The following RIC1 variants were observed in gnomAD, a reference collection of about 807,000 sequenced individuals.
The protein encoded by RIC1 is guanine nucleotide exchange factor subunit RIC1.
Under a neutral mutation model 169.0 loss-of-function variants are expected in RIC1, and 88 were observed. That is an observed-to-expected ratio of 0.52 (90% CI 0.44 to 0.62). RIC1 has a LOEUF of 0.62. Ranked by LOEUF, RIC1 falls within the 20% of genes least tolerant of loss-of-function variation. RIC1 has a pLI of 0.00. For synonymous variants in RIC1, 790 were observed against 601.5 expected (o/e 1.31, Z -4.59); for missense variants, 1,877 against 1,725.5 (o/e 1.09, Z -1.56).
chr9:5,763,692 A>G lies in RIC1; in HGVS notation c.2665A>G (p.Lys889Glu), dbSNP rs753839766. The G allele has an allele frequency of 4.3e-6, 7 of 1,614,026 alleles. No homozygotes were observed. Among genetic ancestry groups the G allele is most frequent in the East Asian group, 2.2e-5 (1 of 44,886 alleles). The change falls in exon 19 of 26, where the codon AAA (lysine) becomes GAA (glutamate). Residue 889 changes from lysine to glutamate, a missense_variant. By Grantham distance (56) the Lys-to-Glu change is moderately conservative. Transcript: ENST00000414202. The surrounding 1 kb of genome is among the most constrained non-coding windows in gnomAD (Gnocchi z 5.2). ...IPDPLLPTVAKFITEFPLFLQ... is the reference protein window; with the variant it reads ...IPDPLLPTVAEFITEFPLFLQ... ...CGACCCTCTGCTTCCCACTGTGGCA[A>G]AATTTATCACTGAGTTCCCCCTCTT...
intron 8 of RIC1, 56 bp from the exon 9 acceptor site, chr9:5,742,813 A>G (rs1825158286): frequency 2.7e-6 from 4 of 1,469,844 alleles, no homozygotes; most frequent in Non-Finnish European, 3.7e-6. Flanking sequence ...AAAAAAAAAA[A>G]CAAGTATTTC....
At position 5,774,237 on chromosome 9, in the gene RIC1, T is replaced by C. The variant is rs1169158910; in HGVS notation, c.4263T>C (p.Ser1421=). Reference sequence around the variant, plus strand: ...TTCAGGATGGGACTTACGACTGTTCTGTGTCCTAACAGTGAGGTTCCATCA... The same window carrying C: ...TTCAGGATGGGACTTACGACTGTTCCGTGTCCTAACAGTGAGGTTCCATCA... ...EPFQDGTYDC[S]VS is the part of the protein sequence containing the mutation. The change falls in exon 26 of 26, where the codon TCT becomes TCC. Residue 1421 remains serine (S), a synonymous_variant. Transcript: ENST00000414202. 2 of 1,606,920 alleles carry C rather than the reference T, an allele frequency of 1.2e-6. No homozygotes were observed. The highest frequency in any genetic ancestry group is 1.3e-5 in the African/African-American group (1 of 74,846).
chr9:5,699,282 C>T (rs924240719), intron 3 of RIC1, among the ~76,000 whole-genome samples: 2 of 152,174 alleles, frequency 1.3e-5, no homozygotes, highest in African/African-American at 4.8e-5. Flanking sequence ...TTGGGTGAAT[C>T]AGCATCTGCA....
At chr9:5,767,546 T>C (rs935326938) in intron 21 of RIC1, among the ~76,000 whole-genome samples, 2 of 151,832 alleles carry the variant, frequency 1.3e-5, no homozygotes, top group Admixed American at 6.6e-5. Context: ...CTTGGGCACA[T>C]AGTGAGAGCT....
At chr9:5,658,113 C>A (rs577232097) in intron 2 of RIC1, among the ~76,000 whole-genome samples, 1 of 152,056 alleles carries the variant, frequency 6.6e-6, no homozygotes, top group South Asian at 2.1e-4. Flanking sequence ...CATTCTGTGA[C>A]ATTTTATATT....
At chr9:5,663,282 G>C (rs1236420783) in intron 2 of RIC1, among the ~76,000 whole-genome samples, 1 of 152,154 alleles carries the variant, frequency 6.6e-6, no homozygotes, top group Admixed American at 6.5e-5. Context: ...GCCTTGTGAT[G>C]ATGAGAACAA....
At chr9:5,767,695 C>T (rs552875224) in intron 21 of RIC1, among the ~76,000 whole-genome samples, 187 of 152,276 alleles carry the variant, frequency 1.2e-3, no homozygotes, top group African/African-American at 4.1e-3. Context: ...TCAAGTGATT[C>T]TTCTGCCTCA....
At chr9:5,766,231 G>A (rs899183561) in intron 21 of RIC1, among the ~76,000 whole-genome samples, 4 of 152,040 alleles carry the variant, frequency 2.6e-5, no homozygotes, top group East Asian at 1.9e-4. Flanking sequence ...TAGTAGAGAC[G>A]GGGTTTCAAC....
intron 10 of RIC1, among the ~76,000 whole-genome samples, chr9:5,743,947 C>G (rs977273228): frequency 6.6e-6 from 1 of 152,088 alleles, no homozygotes. Context: ...TCTAGGCACA[C>G]CACTATCCAC....
intron 2 of RIC1, among the ~76,000 whole-genome samples, chr9:5,657,634 T>C (rs1346755715): frequency 1.3e-5 from 2 of 152,142 alleles, no homozygotes; most frequent in Non-Finnish European, 2.9e-5. Flanking sequence ...TTTATCTCTT[T>C]GCGTTGGTCC....
At chr9:5,706,157 C>T (rs1013919742) in intron 3 of RIC1, among the ~76,000 whole-genome samples, 2 of 152,132 alleles carry the variant, frequency 1.3e-5, no homozygotes, top group Non-Finnish European at 2.9e-5. Flanking sequence ...GTAATTCTGG[C>T]CTCATAGAAT....
At chr9:5,656,383 C>G (rs764492191) in intron 1 of RIC1, among the ~76,000 whole-genome samples, 200 bp from the exon 2 acceptor site, 12 of 151,988 alleles carry the variant, frequency 7.9e-5, no homozygotes, top group Non-Finnish European at 1.3e-4. Context: ...AATTCAGTTT[C>G]TTTAATAATA....
At chr9:5,712,948 A>T (rs191454633) in intron 3 of RIC1, 13 of 152,188 alleles carry the variant, frequency 8.5e-5, no homozygotes, top group African/African-American at 3.1e-4. Context: ...ACAAAACTTT[A>T]TAAGAAAAAT....
chr9:5,736,494 G>T (rs923885302), intron 7 of RIC1, among the ~76,000 whole-genome samples: 2 of 152,188 alleles, frequency 1.3e-5, no homozygotes, highest in Non-Finnish European at 2.9e-5. Flanking sequence ...TGCAGCACAG[G>T]ATTGGGGAGA....
chr9:5,637,366 G>T (rs568362826), intron 1 of RIC1, among the ~76,000 whole-genome samples: 74 of 152,288 alleles, frequency 4.9e-4, no homozygotes, highest in African/African-American at 1.7e-3. Flanking sequence ...ACTATACCCA[G>T]CCATGAGATA....
chr9:5,634,884 T>G lies in RIC1; in HGVS notation c.144+5431T>G, dbSNP rs182945209. Among the ~76,000 whole-genome samples the G allele has an allele frequency of 1.6e-3, 241 of 152,304 alleles. 1 individual carries two copies. Among genetic ancestry groups the G allele is most frequent in the African/African-American group, 5.0e-3 (207 of 41,568 alleles). ...CTTTGATCCTTCTTCTTATTTTAAT[T>G]TTTGTGGGTACATAGTAGATCTGTG... On this transcript the variant is annotated intron_variant, in intron 1 of 25. Transcript: ENST00000414202.
Position 5,629,417 on chromosome 9 carries a change from G to A in RIC1, c.108G>A (p.Val36=), listed in dbSNP as rs1373222912. 9.1e-6 allele frequency: 14 copies of A among 1,533,632 alleles called. No individual in the cohort carries two copies. Among genetic ancestry groups the A allele is most frequent in the South Asian group, 1.2e-5 (1 of 83,632 alleles). ...QSDPQRAFFA[V]LAAARLSIWY... is the part of the protein sequence containing the mutation. The stretch of plus-strand genomic sequence containing the variant: ...ACCCGCAGAGGGCTTTCTTCGCCGT[G>A]CTGGCCGCGGCCCGCCTCAGCATCT... Residue 36 remains valine, a synonymous_variant, in exon 1 of 26, where the codon GTG becomes GTA. Coordinates refer to ENST00000414202, the MANE Select transcript of RIC1 (RefSeq NM_020829.4).
intron 1 of RIC1, among the ~76,000 whole-genome samples, chr9:5,644,919 G>T (rs927576051): frequency 6.6e-6 from 1 of 152,036 alleles, no homozygotes; most frequent in African/African-American, 2.4e-5. Flanking sequence ...CGTTCTAGAG[G>T]GTTTGTAGTG....
chr9:5,771,488 G>A (rs1344798234), intron 23 of RIC1, among the ~76,000 whole-genome samples: 1 of 152,100 alleles, frequency 6.6e-6, no homozygotes, highest in Non-Finnish European at 1.5e-5. Flanking sequence ...CTGTGAATGT[G>A]GGTATATAAT....
Sources: allele counts gnomAD v4.1 joint callset (sites outside exome capture counted in the v4.1 genomes callset), GRCh38; gene constraint gnomAD v4.1.1; non-coding constraint Gnocchi (gnomAD v3.1); transcripts MANE v1.5; gene names NCBI Gene and HGNC (gene_info 2026-07-23, HGNC 2026-07-21).